The following TENM3 variants were observed in gnomAD, a reference collection of about 807,000 sequenced individuals.
The protein encoded by TENM3 is teneurin transmembrane protein 3.
In TENM3, 63 loss-of-function variants were observed where a neutral mutation model predicts 255.1. The observed-to-expected ratio is 0.25, with a 90% CI of 0.20 to 0.30. The LOEUF (loss-of-function observed/expected upper bound fraction) is 0.30, where lower values mean the gene tolerates loss of function less well. Ranked by LOEUF, TENM3 falls within the 10% of genes least tolerant of loss-of-function variation. The pLI, the probability that TENM3 is intolerant of heterozygous loss-of-function variation, is 1.00. For synonymous variants in TENM3, 1,306 were observed against 1,322.3 expected (o/e 0.99, Z 0.27); for missense variants, 2,929 against 3,461.1 (o/e 0.85, Z 3.86).
At chr4:181,456,367 G>T in the TENM3 span, among the ~76,000 whole-genome samples, 2 of 151,662 alleles carry the variant, frequency 1.3e-5, no homozygotes, top group African/African-American at 2.4e-5. Flanking sequence ...GTTCTTAACC[G>T]ATTTGTTCTG....
intron 4 of TENM3, among the ~76,000 whole-genome samples, chr4:182,615,720 G>T (rs755647827): frequency 3.3e-5 from 5 of 149,870 alleles, no homozygotes; most frequent in Admixed American, 6.6e-5. Context: ...AAAGGGGGAT[G>T]TTGAAAAGTG....
chr4:181,840,076 G>A, the TENM3 span, among the ~76,000 whole-genome samples: 1 of 151,932 alleles, frequency 6.6e-6, no homozygotes, highest in African/African-American at 2.4e-5. Context: ...TCTCTTGCAT[G>A]TTTTTATTGC....
intron 1 of TENM3, among the ~76,000 whole-genome samples, chr4:182,228,999 G>A (rs1451345199): frequency 6.6e-6 from 1 of 152,130 alleles, no homozygotes; most frequent in Non-Finnish European, 1.5e-5. Context: ...TTGGGCTGGT[G>A]GATGACACTG....
rs139340838 is a variant in TENM3, at chr4:182,196,952, C to T, written c.-76+52198C>T. Among the ~76,000 whole-genome samples, 982 of 152,224 alleles carry T rather than the reference C, an allele frequency of 6.5e-3. 12 individuals carry two copies. The highest frequency in any genetic ancestry group is 0.022 in the African/African-American group (931 of 41,530). Reference sequence around the variant, plus strand: ...TCATTTCCGGTCATCTTCTCGGATGCCAAGGAGCTCAGGACCTGACTCCTT... The same window carrying T: ...TCATTTCCGGTCATCTTCTCGGATGTCAAGGAGCTCAGGACCTGACTCCTT... On this transcript the variant is annotated intron_variant, in intron 1 of 2. Coordinates refer to the TENM3 transcript ENST00000512480.
chr4:181,476,982 C>A, the TENM3 span, among the ~76,000 whole-genome samples: 1 of 152,294 alleles, frequency 6.6e-6, no homozygotes, highest in South Asian at 2.1e-4. Context: ...GAGGTTCCAG[C>A]ATTATTTGTC....
chr4:181,753,575 T>C, the TENM3 span, among the ~76,000 whole-genome samples: 1 of 151,762 alleles, frequency 6.6e-6, no homozygotes, highest in East Asian at 1.9e-4. Flanking sequence ...TATATAAAAA[T>C]ATTTGTACAG....
At chr4:181,972,527 T>C in the TENM3 span, among the ~76,000 whole-genome samples, 2 of 152,094 alleles carry the variant, frequency 1.3e-5, no homozygotes, top group Admixed American at 1.3e-4. Context: ...TATGAGTTTG[T>C]GTTCCCCAGA....
the TENM3 span, among the ~76,000 whole-genome samples, chr4:181,814,587 C>CGTGTGTGTGTGT: frequency 6.0e-4 from 90 of 149,488 alleles, 2 homozygotes; most frequent in African/African-American, 2.1e-3. Flanking sequence ...TTTTTAAATG[C>CGTGTGTGTGTGT]GTGTGTGTGT....
the TENM3 span, among the ~76,000 whole-genome samples, chr4:182,018,685 A>C: frequency 3.7e-3 from 568 of 152,334 alleles, 17 homozygotes; most frequent in South Asian, 0.049. Context: ...TTTACAAATA[A>C]AATTGATTTA....
the TENM3 span, among the ~76,000 whole-genome samples, chr4:181,862,517 G>A: frequency 6.6e-6 from 1 of 151,592 alleles, no homozygotes; most frequent in Non-Finnish European, 1.5e-5. Flanking sequence ...GTGCCTCCCT[G>A]CAGAAAAAAA....
intron 24 of TENM3, among the ~76,000 whole-genome samples, chr4:182,784,928 G>A (rs376476332): frequency 3.3e-5 from 5 of 152,076 alleles, no homozygotes; most frequent in East Asian, 1.9e-4. Flanking sequence ...CACGGTGCGC[G>A]CACCCACTGA....
chr4:181,450,009 G>C, the TENM3 span, among the ~76,000 whole-genome samples: 1 of 152,088 alleles, frequency 6.6e-6, no homozygotes, highest in Admixed American at 6.5e-5. Flanking sequence ...ATATTTTTAA[G>C]TAAATTATCA....
At chr4:182,608,446 C>T (rs529191567) in intron 4 of TENM3, among the ~76,000 whole-genome samples, 1 of 152,074 alleles carries the variant, frequency 6.6e-6, no homozygotes, top group Admixed American at 6.5e-5. Flanking sequence ...TAATTATTAG[C>T]ATTTATTTAT....
chr4:182,418,342 G>A (rs1770540775), intron 3 of TENM3, among the ~76,000 whole-genome samples: 1 of 152,164 alleles, frequency 6.6e-6, no homozygotes. Flanking sequence ...GGATTCTCCA[G>A]TAAGCATCGT....
the TENM3 span, chr4:181,975,599 A>G: frequency 6.6e-6 from 1 of 152,154 alleles, no homozygotes; most frequent in African/African-American, 2.4e-5. Context: ...TCTGGCTACC[A>G]TGTTGGAAGT....
chr4:182,181,618 G>C (rs1752844006), intron 1 of TENM3, among the ~76,000 whole-genome samples: 2 of 152,212 alleles, frequency 1.3e-5, no homozygotes, highest in South Asian at 4.1e-4. Context: ...CCCTGTGGTA[G>C]ATGTTTACTT....
chr4:181,644,742 C>T, the TENM3 span, among the ~76,000 whole-genome samples: 998 of 151,916 alleles, frequency 6.6e-3, 15 homozygotes, highest in African/African-American at 0.023. Flanking sequence ...AGATTCTCAC[C>T]CATAAAGGTG....
chr4:181,497,436 G>T, the TENM3 span, among the ~76,000 whole-genome samples: 2 of 152,114 alleles, frequency 1.3e-5, no homozygotes, highest in East Asian at 1.9e-4. Flanking sequence ...TTGGTTGGAA[G>T]TGCAGGTAGG....
At chr4:181,567,332 C>T in the TENM3 span, among the ~76,000 whole-genome samples, 5 of 152,152 alleles carry the variant, frequency 3.3e-5, no homozygotes, top group African/African-American at 1.2e-4. Flanking sequence ...AAAATATTTG[C>T]ATATATTCTG....
Sources: gnomAD v4.1 joint callset for allele counts (sites outside exome capture counted in the v4.1 genomes callset) on GRCh38, gnomAD v4.1.1 for gene constraint, MANE v1.5 for transcripts, NCBI Gene and HGNC (gene_info 2026-07-23, HGNC 2026-07-21) for gene names.